The following SETD1A variants were observed in gnomAD, a reference collection of about 807,000 sequenced individuals.
The protein encoded by SETD1A is SET domain containing 1A, histone lysine methyltransferase.
A neutral mutation model predicts 149.9 loss-of-function variants in SETD1A; 29 were observed. The observed-to-expected ratio is 0.19, with a 90% CI of 0.14 to 0.26. SETD1A has a LOEUF of 0.26. SETD1A is among the 10% of genes least tolerant of loss of function. The pLI, the probability that SETD1A is intolerant of heterozygous loss-of-function variation, is 1.00. For missense variants in SETD1A, 2,109 were observed against 2,353.1 expected, an observed-to-expected ratio of 0.90 and a Z score of 2.15; for synonymous variants, 1,141 against 968.5, an observed-to-expected ratio of 1.18 and a Z score of -3.31.
chr16:30,969,424 G>A lies in SETD1A; in HGVS notation c.2890G>A (p.Glu964Lys). The A allele has an allele frequency of 1.2e-6, 2 of 1,613,598 alleles. No individual in the cohort carries two copies. The highest frequency in any genetic ancestry group is 8.5e-7 in the Non-Finnish European group (1 of 1,179,742). The change falls in exon 11 of 19, where the codon GAA (glutamate) becomes AAA (lysine). Residue 964 changes from glutamate (E) to lysine (K), a missense_variant. By Grantham distance (56) the Glu-to-Lys change is moderately conservative. Transcript: ENST00000262519. ...CCGCAAGTCCTTTGCTCTGGACAGC[G>A]AAGGGGAGGAGGCATCCCAGGAGTC... ...KHRKSFALDS[E>K]GEEASQESSS... is the part of the protein sequence containing the mutation.
At chr16:30,958,966 C>T in intron 2 of SETD1A, 85 bp downstream of exon 2, 2 of 1,559,122 alleles carry the variant, frequency 1.3e-6, no homozygotes, top group Non-Finnish European at 1.8e-6. Flanking sequence ...GAACGGTAGC[C>T]TGCCTTCTTG....
rs2056009958 is a variant in SETD1A, at chr16:30,959,105, A to G, written c.165A>G (p.Ile55Met). The G allele has an allele frequency of 6.2e-7, 1 of 1,612,424 alleles. No homozygotes were observed. Among genetic ancestry groups the G allele is most frequent in the Non-Finnish European group, 8.5e-7 (1 of 1,178,550 alleles). The part of the protein sequence containing the change: ...VHFSVNDSKY[I>M]PVEDLQDPRC... Reference sequence around the variant, plus strand: ...TTCCTTCCTAGGACTCAAAGTATATACCAGTCGAAGACCTCCAAGACCCCC... The same window carrying G: ...TTCCTTCCTAGGACTCAAAGTATATGCCAGTCGAAGACCTCCAAGACCCCC... The change falls in exon 3 of 19, where the codon ATA (isoleucine) becomes ATG (methionine). Residue 55 changes from isoleucine to methionine, a missense_variant. Physicochemically the swap from Ile to Met is conservative, Grantham distance 10. Coordinates refer to ENST00000262519, the MANE Select transcript of SETD1A (RefSeq NM_014712.3).
intron 10 of SETD1A, among the ~76,000 whole-genome samples, chr16:30,968,600 A>T (rs1288513021): frequency 2.0e-5 from 3 of 151,868 alleles, no homozygotes; most frequent in Non-Finnish European, 4.4e-5. Context: ...CAAGAGATCG[A>T]GACCATCCTG....
At chr16:30,976,426 C>T (rs958641863) in intron 13 of SETD1A, among the ~76,000 whole-genome samples, 2 of 152,110 alleles carry the variant, frequency 1.3e-5, no homozygotes, top group East Asian at 1.9e-4. Flanking sequence ...GAGCTGGGGC[C>T]TGGGAGTGAG....
Position 30,984,083 on chromosome 16 carries a change from G to A in SETD1A, c.*60G>A. 6.7e-7 allele frequency: 1 copy of A among 1,500,060 alleles called. No homozygotes were observed. Among genetic ancestry groups the A allele is most frequent in the Non-Finnish European group, 9.0e-7 (1 of 1,106,914 alleles). The allele number at this position is 1,500,060 out of a possible 1,614,324, so 92.9% of individuals were successfully genotyped here. On this transcript the variant is annotated 3_prime_UTR_variant, in exon 19 of 19. Coordinates refer to ENST00000262519, the MANE Select transcript of SETD1A (RefSeq NM_014712.3). ...TTCCCCCTGGTGCCCTGAGCTCCCA[G>A]CACCCCCCCAGCCTTAGTGGGCTCA...
At position 30,965,596 on chromosome 16, in the gene SETD1A, C is replaced by T. The variant is rs375670083; in HGVS notation, c.1720-5C>T. The T allele has an allele frequency of 2.3e-5, 37 of 1,612,148 alleles. No homozygotes were observed. The highest frequency in any genetic ancestry group is 1.6e-4 in the Middle Eastern group (1 of 6,070). On this transcript the variant is annotated splice_region_variant and splice_polypyrimidine_tract_variant and intron_variant, in intron 7 of 18. Coordinates refer to ENST00000262519, the MANE Select transcript of SETD1A (RefSeq NM_014712.3). ...GCCTTCTGTGACCCTCTTCTGCCCC[C>T]GCAGGCTTCTCCATGCTCTTCTGGA...
chr16:30,970,023 A>AGTG (rs2056204890), intron 12 of SETD1A, among the ~76,000 whole-genome samples: 2 of 152,150 alleles, frequency 1.3e-5, no homozygotes, highest in African/African-American at 2.4e-5. Flanking sequence ...GCTGGAGTGC[A>AGTG]ATGGCGCAAT....
chr16:30,958,869 C>G lies in SETD1A; in HGVS notation c.138C>G (p.His46Gln), dbSNP rs139688166. 6.2e-7 allele frequency: 1 copy of G among 1,614,068 alleles called. No individual in the cohort carries two copies. The highest frequency in any genetic ancestry group is 8.5e-7 in the Non-Finnish European group (1 of 1,180,030). The change falls in exon 2 of 19, where the codon CAC becomes CAG. Residue 46 changes from histidine to glutamine, a missense_variant. Coordinates refer to ENST00000262519, the MANE Select transcript of SETD1A (RefSeq NM_014712.3). ...AGGTGTACCGCTATGATGGAGTCCA[C>G]TTCAGTGTCAACGTGAGTGCCCGGG... ...SQKVYRYDGV[H>Q]FSVNDSKYIP... is the part of the protein sequence containing the mutation.
intron 13 of SETD1A, among the ~76,000 whole-genome samples, chr16:30,978,515 C>T: frequency 6.6e-6 from 1 of 152,104 alleles, no homozygotes; most frequent in East Asian, 1.9e-4. Context: ...CCACCCGCAT[C>T]CTGGGATCTC....
chr16:30,969,894 T>C (rs1264188489), intron 12 of SETD1A, among the ~76,000 whole-genome samples: 1 of 152,192 alleles, frequency 6.6e-6, no homozygotes, highest in Non-Finnish European at 1.5e-5. Flanking sequence ...TCCCTCCTGC[T>C]CCCTCTTCTG....
chr16:30,959,043 G>A (rs769470905), intron 2 of SETD1A, 48 bp from the exon 3 acceptor site: 30 of 1,505,322 alleles, frequency 2.0e-5, no homozygotes, highest in Admixed American at 1.2e-4. Context: ...GAGCTCCCTA[G>A]CCTGGATTCA....
intron 13 of SETD1A, among the ~76,000 whole-genome samples, 179 bp downstream of exon 13, chr16:30,971,898 TG>T (rs2056230147): frequency 1.3e-5 from 2 of 152,234 alleles, no homozygotes; most frequent in South Asian, 4.1e-4. Context: ...CACTTCAAAC[TG>T]TACCGTCATG....
chr16:30,961,852 G>C lies in SETD1A; in HGVS notation c.517+315G>C, dbSNP rs1301365494. On this transcript the variant is annotated intron_variant, in intron 4 of 18. Coordinates refer to ENST00000262519, the MANE Select transcript of SETD1A (RefSeq NM_014712.3). The surrounding 1 kb of genome is among the most constrained non-coding windows in gnomAD (Gnocchi z 4.0). ...TAAATCAGCCCAGGTCAGGTTGGTT[G>C]CTTGGTTGGTTTTTGAGACAGGATC... is the stretch of plus-strand genomic sequence containing the variant. 6.6e-6 allele frequency among the ~76,000 whole-genome samples: 1 copy of C among 151,978 alleles called. No homozygotes were observed. Among genetic ancestry groups the C allele is most frequent in the Non-Finnish European group, 1.5e-5 (1 of 67,954 alleles).
chr16:30,958,638 G>A (rs2056001113), intron 1 of SETD1A, 79 bp from the exon 2 acceptor site: 2 of 1,269,724 alleles, frequency 1.6e-6, no homozygotes, highest in South Asian at 1.3e-5. Context: ...ACCTGGAATC[G>A]GGGCTAGCCA....
Position 30,984,114 on chromosome 16 carries a change from G to A in SETD1A, c.*91G>A. On this transcript the variant is annotated 3_prime_UTR_variant, in exon 19 of 19. Coordinates refer to ENST00000262519, the MANE Select transcript of SETD1A (RefSeq NM_014712.3). ...CCCCAGCCTTAGTGGGCTCAGCAGG[G>A]CCCACATGCCCCCATCTCCAAGCGT... 1 of 1,207,602 alleles carries A rather than the reference G, an allele frequency of 8.3e-7. No homozygotes were observed. Among genetic ancestry groups the A allele is most frequent in the South Asian group, 1.5e-5 (1 of 64,668 alleles). 74.8% of individuals were successfully genotyped at this position (1,207,602 alleles called of 1,614,324 possible). A position where few individuals can be genotyped will look rare whatever the true frequency, so the allele number is the denominator to read the frequency against.
intron 10 of SETD1A, 25 bp from the exon 11 acceptor site, chr16:30,969,280 C>T (rs369726474): frequency 6.2e-7 from 1 of 1,601,436 alleles, no homozygotes; most frequent in African/African-American, 1.3e-5. Context: ...GGTAAATTTC[C>T]CCAACTACCA....
chr16:30,959,422 T>G (rs1163939087), intron 3 of SETD1A, among the ~76,000 whole-genome samples: 2 of 152,044 alleles, frequency 1.3e-5, no homozygotes, highest in Non-Finnish European at 2.9e-5. Flanking sequence ...TCTTGAAGGG[T>G]GAGGTAAAGA....
Position 30,965,661 on chromosome 16 carries a change from C to A in SETD1A, c.1780C>A (p.Pro594Thr), listed in dbSNP as rs746144814. ...CTCCGACGACGACCGGGGTGGCTCA[C>A]CCCCTCCGGCCCCGACGCCCCCTCA... ...EISDDDRGGS[P>T]PPAPTPPQQP... The change falls in exon 8 of 19, where the codon CCC becomes ACC. Residue 594 changes from proline to threonine, a missense_variant. This residue lies in a region of SETD1A where 431 missense variants were observed against 388.6 expected (regional missense o/e 1.11). Coordinates refer to ENST00000262519, the MANE Select transcript of SETD1A (RefSeq NM_014712.3). 6.2e-7 allele frequency: 1 copy of A among 1,611,614 alleles called. No individual in the cohort carries two copies. Among genetic ancestry groups the A allele is most frequent in the Admixed American group, 1.7e-5 (1 of 59,790 alleles).
In SETD1A at chr16:30,957,810, G is replaced by T. The variant is rs1341704331; in HGVS notation, c.-170G>T. The T allele has an allele frequency of 1.3e-5, 2 of 152,236 alleles. No homozygotes were observed. Among genetic ancestry groups the T allele is most frequent in the African/African-American group, 4.8e-5 (2 of 41,462 alleles). The allele number at this position is 152,236 out of a possible 1,614,324, so 9.4% of individuals were successfully genotyped here. ...TCGTGGCGAAGCCGACTCTCCGGGG[G>T]ATGCGGCCAATCTCCAAGCTCCCTG... On this transcript the variant is annotated 5_prime_UTR_variant, in exon 1 of 19. Transcript: ENST00000262519.
Sources: allele counts gnomAD v4.1 joint callset (sites outside exome capture counted in the v4.1 genomes callset), GRCh38; gene constraint gnomAD v4.1.1; regional missense constraint gnomAD v4.1.1; non-coding constraint Gnocchi (gnomAD v3.1); transcripts MANE v1.5; gene names NCBI Gene and HGNC (gene_info 2026-07-23, HGNC 2026-07-21).